CLSTN2: variants seen among roughly 807,000 people sequenced by gnomAD.
The protein encoded by CLSTN2 is calsyntenin-2.
A neutral mutation model predicts 101.2 loss-of-function variants in CLSTN2; 48 were observed. The observed-to-expected ratio is 0.47, with a 90% CI of 0.38 to 0.60. CLSTN2 has a LOEUF of 0.60. Ranked by LOEUF, CLSTN2 falls within the 20% of genes least tolerant of loss-of-function variation. The pLI is 0.00. For missense variants in CLSTN2, 1,160 were observed against 1,238.2 expected, an observed-to-expected ratio of 0.94 and a Z score of 0.95; for synonymous variants, 481 against 463.6, an observed-to-expected ratio of 1.04 and a Z score of -0.48.
At chr3:140,241,790 G>GATAT (rs36099204) in intron 2 of CLSTN2, among the ~76,000 whole-genome samples, 7 of 138,556 alleles carry the variant, frequency 5.1e-5, no homozygotes, top group African/African-American at 1.9e-4. Context: ...TCATATGCGA[G>GATAT]ATATATATAT....
chr3:140,458,675 T>A (rs1933477481), intron 6 of CLSTN2, among the ~76,000 whole-genome samples: 1 of 152,176 alleles, frequency 6.6e-6, no homozygotes, highest in Non-Finnish European at 1.5e-5. Context: ...GCCTGAGTAC[T>A]ATTATAGTAG....
At chr3:140,053,405 C>T (rs536980216) in intron 1 of CLSTN2, among the ~76,000 whole-genome samples, 1 of 152,300 alleles carries the variant, frequency 6.6e-6, no homozygotes, top group South Asian at 2.1e-4. Context: ...GATAAACTCG[C>T]TGGTCAGCTG....
chr3:140,317,008 A>G (rs1220804103), intron 2 of CLSTN2, among the ~76,000 whole-genome samples: 1 of 152,176 alleles, frequency 6.6e-6, no homozygotes, highest in East Asian at 1.9e-4. Context: ...ATTCCAGAAC[A>G]TTAAGAAAAT....
chr3:140,233,178 CAA>C (rs1385910924), intron 2 of CLSTN2, among the ~76,000 whole-genome samples: 1 of 152,166 alleles, frequency 6.6e-6, no homozygotes, highest in African/African-American at 2.4e-5. Flanking sequence ...TTCTCAGACT[CAA>C]GTCTCTGGTT....
chr3:140,047,200 C>T, intron 1 of CLSTN2, among the ~76,000 whole-genome samples: 1 of 152,204 alleles, frequency 6.6e-6, no homozygotes, highest in East Asian at 1.9e-4. Context: ...ATTCCTTTCT[C>T]TTCTCTTTCT....
chr3:140,040,213 C>A (rs1331209439), intron 1 of CLSTN2, among the ~76,000 whole-genome samples: 1 of 152,008 alleles, frequency 6.6e-6, no homozygotes, highest in Non-Finnish European at 1.5e-5. Context: ...TTTCAATGAC[C>A]CCCTACATAT....
intron 1 of CLSTN2, among the ~76,000 whole-genome samples, chr3:140,067,763 G>A (rs748037801): frequency 7.2e-5 from 11 of 152,122 alleles, no homozygotes; most frequent in East Asian, 1.9e-4. Context: ...TGCTTCTATC[G>A]TTTTGATGCT....
intron 2 of CLSTN2, among the ~76,000 whole-genome samples, chr3:140,358,103 C>T (rs2107947545): frequency 6.6e-6 from 1 of 152,220 alleles, no homozygotes; most frequent in South Asian, 2.1e-4. Context: ...TAGGACTCCC[C>T]AGGCTCTGTG....
intron 5 of CLSTN2, among the ~76,000 whole-genome samples, chr3:140,435,825 G>T (rs1435477940): frequency 6.6e-6 from 1 of 152,198 alleles, no homozygotes; most frequent in South Asian, 2.1e-4. Flanking sequence ...GATCAGTGAT[G>T]TTGAGCCCCT....
intron 1 of CLSTN2, among the ~76,000 whole-genome samples, chr3:140,014,916 C>T (rs765897997): frequency 2.0e-5 from 3 of 152,186 alleles, no homozygotes; most frequent in Non-Finnish European, 4.4e-5. Flanking sequence ...ATCTTTGGCT[C>T]CTCTGTGTCA....
chr3:140,315,985 C>G (rs901344849), intron 2 of CLSTN2, among the ~76,000 whole-genome samples: 8 of 152,128 alleles, frequency 5.3e-5, no homozygotes, highest in Non-Finnish European at 1.2e-4. Flanking sequence ...TCAGGATGGA[C>G]TTTCAGAAGA....
intron 1 of CLSTN2, among the ~76,000 whole-genome samples, chr3:140,016,794 A>T (rs796094028): frequency 0.052 from 709 of 13,626 alleles, 7 homozygotes; most frequent in Middle Eastern, 0.1. Flanking sequence ...TGAGACTCTG[A>T]AAAAAAAAAA....
At chr3:139,989,092 C>G (rs928249154) in intron 1 of CLSTN2, among the ~76,000 whole-genome samples, 12 of 152,308 alleles carry the variant, frequency 7.9e-5, no homozygotes, top group Admixed American at 4.6e-4. Flanking sequence ...TCAGTCCTTA[C>G]AGCAGTGACA....
intron 2 of CLSTN2, among the ~76,000 whole-genome samples, chr3:140,345,152 T>TGAG (rs2087531793): frequency 6.6e-6 from 1 of 152,120 alleles, no homozygotes; most frequent in Non-Finnish European, 1.5e-5. Context: ...TTTCCTTACA[T>TGAG]GAGGAGTAGG....
chr3:140,335,227 G>A (rs2087428660), intron 2 of CLSTN2, among the ~76,000 whole-genome samples: 1 of 152,236 alleles, frequency 6.6e-6, no homozygotes, highest in African/African-American at 2.4e-5. Context: ...GCCTGCCTTG[G>A]CCATCCAGGC....
intron 1 of CLSTN2, among the ~76,000 whole-genome samples, chr3:140,119,436 T>C (rs561624101): frequency 6.6e-6 from 1 of 152,356 alleles, no homozygotes; most frequent in South Asian, 2.1e-4. Flanking sequence ...CAGCACATAG[T>C]ACATGTTTGG....
At chr3:140,034,475 G>A (rs1174111657) in intron 1 of CLSTN2, among the ~76,000 whole-genome samples, 1 of 152,120 alleles carries the variant, frequency 6.6e-6, no homozygotes, top group Non-Finnish European at 1.5e-5. Flanking sequence ...ACTCCCCATA[G>A]AGGTACCCTG....
intron 8 of CLSTN2, among the ~76,000 whole-genome samples, chr3:140,526,013 G>C (rs1196018119): frequency 1.3e-5 from 2 of 152,046 alleles, no homozygotes; most frequent in Non-Finnish European, 2.9e-5. Flanking sequence ...TTGAGAACTA[G>C]AACAAGACAA....
chr3:140,513,104 T>A (rs940389334), intron 8 of CLSTN2, among the ~76,000 whole-genome samples: 5 of 152,210 alleles, frequency 3.3e-5, no homozygotes, highest in Admixed American at 3.3e-4. Context: ...TTTTATTTCT[T>A]TCTCTTGCTT....
Sources: allele counts gnomAD v4.1 joint callset (sites outside exome capture counted in the v4.1 genomes callset), GRCh38; gene constraint gnomAD v4.1.1; transcripts MANE v1.5; gene names NCBI Gene and HGNC (gene_info 2026-07-23, HGNC 2026-07-21).